The following RHD variants were observed in gnomAD, a reference collection of about 807,000 sequenced individuals.
RHD encodes the protein blood group Rh(D) polypeptide.
In RHD, 16 loss-of-function variants were observed where a neutral mutation model predicts 45.5. The ratio of observed to expected loss-of-function variants is 0.35; its 90% CI spans 0.24 to 0.53. RHD has a LOEUF of 0.53. RHD is among the 20% of genes least tolerant of loss of function. The pLI is 0.92. For synonymous variants in RHD, 131 were observed against 217.5 expected (o/e 0.60, Z 3.50); for missense variants, 306 against 532.0 (o/e 0.58, Z 4.18).
In RHD at chr1:25,306,036, G is replaced by T. The variant is rs1643802252; in HGVS notation, c.940-560G>T. Among the ~76,000 whole-genome samples the T allele has an allele frequency of 2.3e-5, 3 of 131,376 alleles. No individual in the cohort carries two copies. The South Asian group carries it at 6.9e-4, about 30-fold the overall frequency. 86.2% of individuals were successfully genotyped at this position (131,376 alleles called of 152,430 possible). On this transcript the variant is annotated intron_variant, in intron 6 of 9. Coordinates refer to ENST00000328664, the MANE Select transcript of RHD (RefSeq NM_016124.6). ...ATGGGGAGGAAGGATTACTGAGTAG[G>T]GATCTGAAGGTGTGGCCTCATGCTT...
At position 25,276,686 on chromosome 1, in the gene RHD, C is replaced by A. The variant is rs1427431474; in HGVS notation, c.148+3991C>A. On this transcript the variant is annotated intron_variant, in intron 1 of 9. Coordinates refer to ENST00000328664, the MANE Select transcript of RHD (RefSeq NM_016124.6). ...ACGGGATTGTACCACTTCACTCCAG[C>A]ATGGGCGACAGAGCAAGACCCTGTC... 1.5e-5 allele frequency among the ~76,000 whole-genome samples: 2 copies of A among 130,566 alleles called. 1 individual carries two copies. The highest frequency in any genetic ancestry group is 3.6e-5 in the Non-Finnish European group (2 of 55,502). The allele number at this position is 130,566 out of a possible 152,430, so 85.7% of individuals were successfully genotyped here. A position where few individuals can be genotyped will look rare whatever the true frequency, so the allele number is the denominator to read the frequency against.
intron 1 of RHD, among the ~76,000 whole-genome samples, chr1:25,280,590 G>T (rs1200507642): frequency 8.6e-6 from 1 of 115,780 alleles, no homozygotes; most frequent in African/African-American, 2.9e-5. Flanking sequence ...ACAGACATAA[G>T]CCACTGTGCC....
At position 25,290,229 on chromosome 1, in the gene RHD, C is replaced by A. The variant is rs370873484; in HGVS notation, c.336-412C>A. Among the ~76,000 whole-genome samples, 8 of 128,140 alleles carry A rather than the reference C, an allele frequency of 6.2e-5. 2 individuals carry two copies. In the East Asian group the frequency reaches 9.9e-4, roughly 16 times the overall value. The allele number at this position is 128,140 out of a possible 152,430, so 84.1% of individuals were successfully genotyped here. Reference sequence around the variant, plus strand: ...GGGTGACTGGATGTGGGCAGGCCTGCGGGGGAAGAGTGCCCTCTGTTGAGC... The same window carrying A: ...GGGTGACTGGATGTGGGCAGGCCTGAGGGGGAAGAGTGCCCTCTGTTGAGC... On this transcript the variant is annotated intron_variant, in intron 2 of 9. Coordinates refer to ENST00000328664, the MANE Select transcript of RHD (RefSeq NM_016124.6).
At chr1:25,290,412 C>T (rs1181420044) in intron 2 of RHD, among the ~76,000 whole-genome samples, 2 of 126,224 alleles carry the variant, frequency 1.6e-5, no homozygotes, top group African/African-American at 5.4e-5. Context: ...AAGTCATCTG[C>T]CAGACCACAT....
rs374115151 is a variant in RHD at position 25,278,566 on chromosome 1, G to A, written c.148+5871G>A. 4.5e-3 allele frequency among the ~76,000 whole-genome samples: 584 copies of A among 131,198 alleles called. 81 individuals are homozygous for A. The highest frequency in any genetic ancestry group is 0.012 in the African/African-American group (474 of 38,546). 86.1% of individuals were successfully genotyped at this position (131,198 alleles called of 152,430 possible). A position where few individuals can be genotyped will look rare whatever the true frequency, so the allele number is the denominator to read the frequency against. ...GATGGCCTCAGATGACCTCATTCAC[G>A]TGTTTGGCAGTTGGTGATTCACTGG... On this transcript the variant is annotated intron_variant, in intron 1 of 9. Coordinates refer to ENST00000328664, the MANE Select transcript of RHD (RefSeq NM_016124.6).
intron 1 of RHD, among the ~76,000 whole-genome samples, chr1:25,283,532 T>A (rs75894073): frequency 0.022 from 2,665 of 120,940 alleles, 317 homozygotes; most frequent in African/African-American, 0.067. Flanking sequence ...TCTATCTCGA[T>A]ATTAAAAAAA....
chr1:25,275,628 T>A (rs1397955026), intron 1 of RHD, among the ~76,000 whole-genome samples: 1 of 133,046 alleles, frequency 7.5e-6, no homozygotes, highest in African/African-American at 2.6e-5. Context: ...ATATTTTGTA[T>A]GTTACAATAA....
At position 25,274,157 on chromosome 1, in the gene RHD, A is replaced by G. The variant is rs577615973; in HGVS notation, c.148+1462A>G. Among the ~76,000 whole-genome samples the G allele has an allele frequency of 3.0e-5, 4 of 132,412 alleles. 1 individual carries two copies. Among genetic ancestry groups the G allele is most frequent in the Non-Finnish European group, 5.4e-5 (3 of 55,878 alleles). 86.9% of individuals were successfully genotyped at this position (132,412 alleles called of 152,430 possible). A position where few individuals can be genotyped will look rare whatever the true frequency, so the allele number is the denominator to read the frequency against. On this transcript the variant is annotated intron_variant, in intron 1 of 9. Transcript: ENST00000328664. ...TACCAGGCACTATTCTACATGCTTT[A>G]CATTGAACCCTCACAATAACCCAAT...
In RHD at chr1:25,314,514, AAC is replaced by A. The variant is rs1644332018; in HGVS notation, c.1074-2484_1074-2483del. 1.5e-5 allele frequency among the ~76,000 whole-genome samples: 2 copies of A among 131,724 alleles called. 1 individual carries two copies. Among genetic ancestry groups the A allele is most frequent in the African/African-American group, 5.2e-5 (2 of 38,744 alleles). 86.4% of individuals were successfully genotyped at this position (131,724 alleles called of 152,430 possible). Reference sequence around the variant, plus strand: ...TTTTTCCTTCTTTCTTTCTTTTTGAAACAGAGTCTCCTTCTGTCACCCAGGCT... The same window carrying A: ...TTTTTCCTTCTTTCTTTCTTTTTGAAAGAGTCTCCTTCTGTCACCCAGGCT... On this transcript the variant is annotated intron_variant, in intron 7 of 9. Coordinates refer to ENST00000328664, the MANE Select transcript of RHD (RefSeq NM_016124.6).
chr1:25,306,570 C>A (rs1214039017), intron 6 of RHD, 26 bp from the exon 7 acceptor site: 2 of 1,375,818 alleles, frequency 1.5e-6, no homozygotes, highest in South Asian at 2.4e-5. Flanking sequence ...ACCTGCCAAT[C>A]TGCTTATAAT....
Position 25,276,532 on chromosome 1 carries a change from T to TAAAAAAAAAAAAAAAAAAAAAAAAA in RHD, c.148+3860_148+3861insAAAAAAAAAAAAAAAAAAAAAAAAA, listed in dbSNP as rs557746335. 3.4e-4 allele frequency among the ~76,000 whole-genome samples: 22 copies of TAAAAAAAAAAAAAAAAAAAAAAAAA among 64,782 alleles called. 1 individual carries two copies. The highest frequency in any genetic ancestry group is 1.5e-3 in the African/African-American group (21 of 13,864). The allele number at this position is 64,782 out of a possible 152,430, so 42.5% of individuals were successfully genotyped here. On this transcript the variant is annotated intron_variant, in intron 1 of 9. Coordinates refer to ENST00000328664, the MANE Select transcript of RHD (RefSeq NM_016124.6). ...ACATAGGGAGACCCCCCCCCATCTC[T>TAAAAAAAAAAAAAAAAAAAAAAAAA]AAAAAAAAAAAAAAAAAAAAAAACT...
Position 25,315,597 on chromosome 1 carries a change from C to G in RHD, c.1074-1403C>G, listed in dbSNP as rs534658935. Reference sequence around the variant, plus strand: ...CTGCAAACTCCACCTCCCAGGTTCACGCCGTTCTCCTGCCTCAGCCTCCTG... The same window carrying G: ...CTGCAAACTCCACCTCCCAGGTTCAGGCCGTTCTCCTGCCTCAGCCTCCTG... On this transcript the variant is annotated intron_variant, in intron 7 of 9. Coordinates refer to ENST00000328664, the MANE Select transcript of RHD (RefSeq NM_016124.6). 3.2e-5 allele frequency among the ~76,000 whole-genome samples: 4 copies of G among 125,166 alleles called. 1 individual carries two copies. The highest frequency in any genetic ancestry group is 2.3e-4 in the Admixed American group (3 of 12,926). 82.1% of individuals were successfully genotyped at this position (125,166 alleles called of 152,430 possible).
rs1170717382 is a variant in RHD at position 25,320,197 on chromosome 1, C to T, written c.1154-1692C>T. Among the ~76,000 whole-genome samples the T allele has an allele frequency of 3.8e-5, 5 of 131,996 alleles. 1 individual carries two copies. Among genetic ancestry groups the T allele is most frequent in the African/African-American group, 1.0e-4 (4 of 38,704 alleles). The allele number at this position is 131,996 out of a possible 152,430, so 86.6% of individuals were successfully genotyped here. On this transcript the variant is annotated intron_variant, in intron 8 of 9. Coordinates refer to ENST00000328664, the MANE Select transcript of RHD (RefSeq NM_016124.6). Reference sequence around the variant, plus strand: ...ACAGGGATAAGCCACTGCGACCGGCCGACAAATTCTTAAAACTGGACACAA... The same window carrying T: ...ACAGGGATAAGCCACTGCGACCGGCTGACAAATTCTTAAAACTGGACACAA...
Position 25,310,718 on chromosome 1 carries a change from T to C in RHD, c.1073+3989T>C, listed in dbSNP as rs779490818. 9.0e-5 allele frequency among the ~76,000 whole-genome samples: 12 copies of C among 132,696 alleles called. 3 individuals carry two copies. The highest frequency in any genetic ancestry group is 2.8e-4 in the African/African-American group (11 of 39,346). 87.1% of individuals were successfully genotyped at this position (132,696 alleles called of 152,430 possible). A position where few individuals can be genotyped will look rare whatever the true frequency, so the allele number is the denominator to read the frequency against. ...CAGGCACGGTGTCTCAGGCTTATAA[T>C]CCCAGCACTTTGGGAGGCCAAAGCA... is the stretch of plus-strand genomic sequence containing the variant. On this transcript the variant is annotated intron_variant, in intron 7 of 9. Coordinates refer to ENST00000328664, the MANE Select transcript of RHD (RefSeq NM_016124.6).
chr1:25,286,421 T>C lies in RHD; in HGVS notation c.335+1662T>C, dbSNP rs143947504. On this transcript the variant is annotated intron_variant, in intron 2 of 9. Transcript: ENST00000328664. ...GGAGGATCACCTGAACCCAGTGAGGTTGAGGCTGAGTGAGCCATGATCGTG... is the reference window on the plus strand; with the variant it reads ...GGAGGATCACCTGAACCCAGTGAGGCTGAGGCTGAGTGAGCCATGATCGTG... 3.0e-5 allele frequency among the ~76,000 whole-genome samples: 4 copies of C among 131,710 alleles called. 1 individual carries two copies. The highest frequency in any genetic ancestry group is 8.0e-5 in the African/African-American group (3 of 37,492). The allele number at this position is 131,710 out of a possible 152,430, so 86.4% of individuals were successfully genotyped here.
rs1641770297 is a variant in RHD, at chr1:25,284,382, C to T, written c.149-191C>T. Among the ~76,000 whole-genome samples the T allele has an allele frequency of 5.9e-5, 8 of 135,624 alleles. 1 individual carries two copies. Among genetic ancestry groups the T allele is most frequent in the Admixed American group, 5.7e-4 (8 of 14,084 alleles). 89.0% of individuals were successfully genotyped at this position (135,624 alleles called of 152,430 possible). ...CTCTAATCCTTATCTTATCCCCACA[C>T]GGCATGTTATGTTATCCCCATTATT... On this transcript the variant is annotated intron_variant, in intron 1 of 9. Transcript: ENST00000328664.
rs1405459697 is a variant in RHD at position 25,286,659 on chromosome 1, G to A, written c.335+1900G>A. Among the ~76,000 whole-genome samples the A allele has an allele frequency of 5.2e-5, 7 of 133,530 alleles. 1 individual carries two copies. The highest frequency in any genetic ancestry group is 1.4e-4 in the Admixed American group (2 of 13,886). 87.6% of individuals were successfully genotyped at this position (133,530 alleles called of 152,430 possible). A position where few individuals can be genotyped will look rare whatever the true frequency, so the allele number is the denominator to read the frequency against. On this transcript the variant is annotated intron_variant, in intron 2 of 9. Coordinates refer to ENST00000328664, the MANE Select transcript of RHD (RefSeq NM_016124.6). ...AAATTAGCCGGGCGTGGTGGTGGGC[G>A]CCTGTAGTCCCAGCCACTCGGGAGG...
At chr1:25,309,519 C>T (rs1345156649) in intron 7 of RHD, among the ~76,000 whole-genome samples, 1 of 131,636 alleles carries the variant, frequency 7.6e-6, no homozygotes, top group African/African-American at 2.6e-5. Flanking sequence ...ACTCAGTTTT[C>T]TTTTAAATTC....
In RHD at chr1:25,287,915, G is replaced by C. The variant is rs1642182898; in HGVS notation, c.336-2726G>C. ...TTTTTGTATTTTTAGTAGACAAGGG[G>C]TTTCACCAGGTGGGTCAGGTTGGTC... On this transcript the variant is annotated intron_variant, in intron 2 of 9. Coordinates refer to ENST00000328664, the MANE Select transcript of RHD (RefSeq NM_016124.6). 1.5e-5 allele frequency among the ~76,000 whole-genome samples: 2 copies of C among 131,562 alleles called. 1 individual carries two copies. Among genetic ancestry groups the C allele is most frequent in the African/African-American group, 5.2e-5 (2 of 38,682 alleles). 86.3% of individuals were successfully genotyped at this position (131,562 alleles called of 152,430 possible).
Sources: allele counts gnomAD v4.1 joint callset (sites outside exome capture counted in the v4.1 genomes callset), GRCh38; gene constraint gnomAD v4.1.1; transcripts MANE v1.5; gene names NCBI Gene and HGNC (gene_info 2026-07-23, HGNC 2026-07-21).